The following DNAH5 variants were observed in gnomAD, a reference collection of about 807,000 sequenced individuals.
DNAH5 encodes the protein dynein axonemal heavy chain 5, also known as axonemal beta dynein heavy chain 5.
Under a neutral mutation model 518.2 loss-of-function variants are expected in DNAH5, and 372 were observed. The ratio of observed to expected loss-of-function variants is 0.72; its 90% confidence interval spans 0.66 to 0.78. The LOEUF is 0.78. Among genes scored for constraint, DNAH5 ranks in the 30% least tolerant of loss-of-function variants. The pLI, the probability that DNAH5 is intolerant of heterozygous loss-of-function variation, is 0.00. For missense variants in DNAH5, 5,523 were observed against 5,687.0 expected, an observed-to-expected ratio of 0.97 and a Z score of 0.93; for synonymous variants, 2,039 against 2,025.9, an observed-to-expected ratio of 1.01 and a Z score of -0.17.
In DNAH5 at chr5:13,859,462, T is replaced by C. The variant is rs1389827768; in HGVS notation, c.4940A>G (p.Gln1647Arg). 2 of 1,614,082 alleles carry C rather than the reference T, an allele frequency of 1.2e-6. No homozygotes were observed. The highest frequency in any genetic ancestry group is 1.3e-5 in the African/African-American group (1 of 75,048). ...AVFVGGDIAK[Q>R]LPKEAKRFSN... is the part of the protein sequence containing the mutation. ...AGAAGATTACAAAACCTTGGGCAGC[T>C]GCTTGGCAATGTCTCCTCCCACAAA... The change falls in exon 30 of 79, where the codon CAG becomes CGG. Residue 1647 changes from glutamine to arginine, a missense_variant. Coordinates refer to ENST00000265104, the MANE Select transcript of DNAH5 (RefSeq NM_001369.3).
intron 45 of DNAH5, 122 bp from the exon 46 acceptor site, chr5:13,809,308 A>C: frequency 2.5e-6 from 3 of 1,222,230 alleles, no homozygotes; most frequent in Non-Finnish European, 3.6e-6. Flanking sequence ...AATGAAGATC[A>C]TTAAAATTAG....
At chr5:13,842,253 G>A (rs989828647) in intron 32 of DNAH5, among the ~76,000 whole-genome samples, 1 of 151,690 alleles carries the variant, frequency 6.6e-6, no homozygotes, top group East Asian at 1.9e-4. Flanking sequence ...GGTGGTGGGC[G>A]CCTATAATCC....
At chr5:13,864,721 T>G in intron 27 of DNAH5, 84 bp from the exon 28 acceptor site, 1 of 1,445,184 alleles carries the variant, frequency 6.9e-7, no homozygotes, top group Admixed American at 1.7e-5. Flanking sequence ...GTATTTCTAT[T>G]AAAAACAGTC....
At chr5:13,934,403 T>C (rs1282913671) in intron 1 of DNAH5, among the ~76,000 whole-genome samples, 4 of 152,190 alleles carry the variant, frequency 2.6e-5, no homozygotes, top group African/African-American at 9.7e-5. Flanking sequence ...GTTTCTGCTT[T>C]AGGCCCTTAA....
At chr5:13,805,537 G>A (rs982644043) in intron 47 of DNAH5, among the ~76,000 whole-genome samples, 1 of 151,962 alleles carries the variant, frequency 6.6e-6, no homozygotes, top group Non-Finnish European at 1.5e-5. Flanking sequence ...TATGGCCAAT[G>A]ATGTAATCAA....
chr5:13,866,219 C>T lies in DNAH5; in HGVS notation c.4116+1G>A. On this transcript the variant is annotated splice_donor_variant, in intron 26 of 78. Coordinates refer to ENST00000265104, the MANE Select transcript of DNAH5 (RefSeq NM_001369.3). LOFTEE classifies it high-confidence loss of function. ...AAAGTCATAGAAACTAAAAAGATTACCTGAAACATGATAAGCCTGTCACTG... is the reference window on the plus strand; with the variant it reads ...AAAGTCATAGAAACTAAAAAGATTATCTGAAACATGATAAGCCTGTCACTG... The T allele has an allele frequency of 1.9e-6, 3 of 1,613,214 alleles. No individual in the cohort carries two copies. The highest frequency in any genetic ancestry group is 1.7e-6 in the Non-Finnish European group (2 of 1,179,420).
At chr5:13,768,246 TG>T (rs373926835) in intron 58 of DNAH5, among the ~76,000 whole-genome samples, 12 of 152,150 alleles carry the variant, frequency 7.9e-5, no homozygotes, top group Non-Finnish European at 1.3e-4. Context: ...GCTGTTCTCA[TG>T]ATGGTGAGTG....
In DNAH5 at chr5:13,864,073, C is replaced by T. The variant is rs1427845779; in HGVS notation, c.4596+324G>A. 4.6e-5 allele frequency among the ~76,000 whole-genome samples: 7 copies of T among 152,364 alleles called. No homozygotes were observed. In the East Asian group the frequency reaches 1.2e-3, roughly 25 times the overall value. The stretch of plus-strand genomic sequence containing the variant: ...TAGTCCTCCCTAGCTTTATCACCCC[C>T]AGGTGAACCAAACTCATCTACCATA... On this transcript the variant is annotated intron_variant, in intron 28 of 78. Transcript: ENST00000265104.
At chr5:13,901,634 TA>T (rs1355865585) in intron 13 of DNAH5, 61 bp from the exon 14 acceptor site, 3 of 1,009,678 alleles carry the variant, frequency 3.0e-6, no homozygotes, top group African/African-American at 3.3e-5. Context: ...AAATACACAA[TA>T]AAAATATCTA....
At chr5:13,760,570 A>C (rs1448603247) in intron 60 of DNAH5, among the ~76,000 whole-genome samples, 2 of 152,190 alleles carry the variant, frequency 1.3e-5, no homozygotes, top group Admixed American at 6.5e-5. Flanking sequence ...GTTTTCAAGG[A>C]GAATCTCATT....
intron 22 of DNAH5, among the ~76,000 whole-genome samples, chr5:13,872,863 A>G (rs1385346856): frequency 6.6e-6 from 1 of 152,058 alleles, no homozygotes; most frequent in Non-Finnish European, 1.5e-5. Flanking sequence ...ATCTTTGCAT[A>G]TGGTTCTCAC....
At position 13,979,299 on chromosome 5, in the gene DNAH5, T is replaced by C. The variant is rs79888170; in HGVS notation, c.12+32349A>G. Among the ~76,000 whole-genome samples, 192 of 152,306 alleles carry C rather than the reference T, an allele frequency of 1.3e-3. 2 individuals carry two copies. The East Asian group carries it at 0.032, about 25-fold the overall frequency. On this transcript the variant is annotated intron_variant, in intron 1 of 78. Coordinates refer to the DNAH5 transcript ENST00000681290. ...TTTCAATTCCCCCCACCATACACGC[T>C]TGAGGCTCCTTACCTTCTCCTTTCT...
rs1331549443 is a variant in DNAH5, at chr5:13,770,731, T to A, written c.9605+18A>T. On this transcript the variant is annotated intron_variant, in intron 56 of 78. Coordinates refer to ENST00000265104, the MANE Select transcript of DNAH5 (RefSeq NM_001369.3). ...GCCACGGCTTTAATATAGCTTTGTATAAGAACATCACACTTACCTGTTGGC... is the reference window on the plus strand; with the variant it reads ...GCCACGGCTTTAATATAGCTTTGTAAAAGAACATCACACTTACCTGTTGGC... 6.2e-7 allele frequency: 1 copy of A among 1,607,640 alleles called. No individual in the cohort carries two copies. The highest frequency in any genetic ancestry group is 1.7e-4 in the Middle Eastern group (1 of 6,046).
At chr5:13,841,615 G>A in intron 33 of DNAH5, 77 bp downstream of exon 33, 1 of 1,153,810 alleles carries the variant, frequency 8.7e-7, no homozygotes, top group Admixed American at 1.8e-5. Flanking sequence ...AGCCATTTTT[G>A]AAGCTTACAA....
At position 13,883,071 on chromosome 5, in the gene DNAH5, T is replaced by A. The variant is rs774504859; in HGVS notation, c.3007A>T (p.Lys1003Ter). ...FRDSNSASNM[K>*]QNSLPIFRAS... is the part of the protein sequence containing the mutation. ...CGGAAAATGGGCAAACTGTTCTGCT[T>A]CATGTTAGAGGCACTGTTACTGTCT... Residue 1003 changes from lysine (K) to a stop codon, truncating the protein, a stop_gained, in exon 20 of 79, where the codon AAG (lysine) becomes TAG (stop). Coordinates refer to ENST00000265104, the MANE Select transcript of DNAH5 (RefSeq NM_001369.3). LOFTEE classifies it high-confidence loss of function. 1 of 1,614,086 alleles carries A rather than the reference T, an allele frequency of 6.2e-7. No individual in the cohort carries two copies. Among genetic ancestry groups the A allele is most frequent in the Non-Finnish European group, 8.5e-7 (1 of 1,180,022 alleles).
At chr5:13,814,873 A>G in intron 42 of DNAH5, 27 bp from the exon 43 acceptor site, 1 of 1,611,134 alleles carries the variant, frequency 6.2e-7, no homozygotes, top group Non-Finnish European at 8.5e-7. Context: ...AAGGGAAAAA[A>G]AAAATACATA....
intron 15 of DNAH5, among the ~76,000 whole-genome samples, chr5:13,896,348 G>C (rs190880868): frequency 6.6e-6 from 1 of 152,026 alleles, no homozygotes; most frequent in South Asian, 2.1e-4. Flanking sequence ...ACCTGCACTT[G>C]CCTGACTGTC....
intron 29 of DNAH5, among the ~76,000 whole-genome samples, chr5:13,861,031 A>G (rs1768337746): frequency 6.6e-6 from 1 of 152,228 alleles, no homozygotes; most frequent in East Asian, 1.9e-4. Flanking sequence ...TTCTACCCAC[A>G]GCGCCTAGAA....
At chr5:13,720,506 C>T (rs1017451228) in intron 71 of DNAH5, among the ~76,000 whole-genome samples, 3 of 152,280 alleles carry the variant, frequency 2.0e-5, no homozygotes, top group Admixed American at 2.0e-4. Flanking sequence ...CCTCAGACTC[C>T]AAAGTAGATG....
Sources: allele counts gnomAD v4.1 joint callset (sites outside exome capture counted in the v4.1 genomes callset), GRCh38; gene constraint gnomAD v4.1.1; transcripts MANE v1.5; gene names NCBI Gene and HGNC (gene_info 2026-07-23, HGNC 2026-07-21).